Variants in PSMA6 observed in about 807,000 individuals in gnomAD.
The protein encoded by PSMA6 is proteasome 20S subunit alpha 6.
For missense variants in PSMA6, 170 were observed against 294.8 expected, an observed-to-expected ratio of 0.58 and a Z score of 3.10; for synonymous variants, 88 against 97.7, an observed-to-expected ratio of 0.90 and a Z score of 0.59.
upstream of PSMA6, among the ~76,000 whole-genome samples, chr14:35,291,220 C>CTT (rs549426154): frequency 4.0e-3 from 510 of 125,986 alleles, 1 homozygote; most frequent in African/African-American, 0.012. Context: ...GGCTTTCTTT[C>CTT]TTTTTTTTTT....
At chr14:35,298,885 C>G (rs1210694062) in intron 1 of PSMA6, among the ~76,000 whole-genome samples, 1 of 152,038 alleles carries the variant, frequency 6.6e-6, no homozygotes, top group Non-Finnish European at 1.5e-5. Flanking sequence ...AGGCGCGCAC[C>G]ACCATACCTG....
chr14:35,283,402 T>C (rs2051388877), intron 1 of PSMA6, among the ~76,000 whole-genome samples: 1 of 151,420 alleles, frequency 6.6e-6, no homozygotes, highest in Non-Finnish European at 1.5e-5. Context: ...AAAAAATACT[T>C]GGAGGAAAAT....
At chr14:35,314,706 C>T (rs764968718) in intron 6 of PSMA6, 4 of 272,154 alleles carry the variant, frequency 1.5e-5, no homozygotes, top group Non-Finnish European at 2.6e-5. Context: ...ATAAAGTTAC[C>T]TTCCTTATGT....
At chr14:35,312,649 C>T in intron 4 of PSMA6, 1 of 421,416 alleles carries the variant, frequency 2.4e-6, no homozygotes, top group Non-Finnish European at 4.2e-6. Flanking sequence ...TGTAATTATT[C>T]AAACTATTTT....
upstream of PSMA6, among the ~76,000 whole-genome samples, chr14:35,291,640 A>G (rs1234292157): frequency 6.6e-6 from 1 of 151,906 alleles, no homozygotes; most frequent in Non-Finnish European, 1.5e-5. Flanking sequence ...CCTGACCAAC[A>G]TGGCGAAACC....
At chr14:35,316,439 C>G (rs2052047887) in intron 6 of PSMA6, 1 of 151,534 alleles carries the variant, frequency 6.6e-6, no homozygotes, top group African/African-American at 2.4e-5. Flanking sequence ...GGAGCACTCT[C>G]TGGCTGGTAG....
intron 1 of PSMA6, among the ~76,000 whole-genome samples, chr14:35,294,799 C>T (rs1353030398): frequency 6.6e-6 from 1 of 151,742 alleles, no homozygotes; most frequent in East Asian, 1.9e-4. Flanking sequence ...AAAATATATA[C>T]ATAATCATAA....
At chr14:35,300,104 T>G (rs2051682023) in intron 1 of PSMA6, among the ~76,000 whole-genome samples, 1 of 152,146 alleles carries the variant, frequency 6.6e-6, no homozygotes, top group Non-Finnish European at 1.5e-5. Context: ...TCCATGTGTT[T>G]TGAACAGAGC....
At chr14:35,289,750 T>A (rs2051457114), upstream of PSMA6, among the ~76,000 whole-genome samples, 1 of 151,558 alleles carries the variant, frequency 6.6e-6, no homozygotes, top group Non-Finnish European at 1.5e-5. Flanking sequence ...TGAAACCTAG[T>A]CTCTAAAAAA....
At chr14:35,315,111 A>T (rs1406280111) in intron 6 of PSMA6, 1 of 152,072 alleles carries the variant, frequency 6.6e-6, no homozygotes, top group African/African-American at 2.4e-5. Flanking sequence ...CAGTTGATAT[A>T]CCATGGACCA....
intron 1 of PSMA6, among the ~76,000 whole-genome samples, chr14:35,295,508 A>G (rs190453385): frequency 2.0e-5 from 3 of 149,654 alleles, no homozygotes; most frequent in African/African-American, 4.9e-5. Flanking sequence ...CTGGAGTGCA[A>G]TGGCCGTGAT....
chr14:35,309,805 A>AAG (rs2051904930), intron 3 of PSMA6, among the ~76,000 whole-genome samples: 1 of 152,006 alleles, frequency 6.6e-6, no homozygotes, highest in Non-Finnish European at 1.5e-5. Context: ...AAAAATAAAA[A>AAG]CAAAAATACC....
intron 1 of PSMA6, among the ~76,000 whole-genome samples, chr14:35,302,705 A>C (rs557180128): frequency 1.2e-3 from 188 of 151,766 alleles, no homozygotes; most frequent in African/African-American, 4.5e-3. Flanking sequence ...GTTTTTTTCA[A>C]CTATTTTTTC....
chr14:35,280,770 G>A (rs1417003745), intron 1 of PSMA6, among the ~76,000 whole-genome samples: 3 of 151,598 alleles, frequency 2.0e-5, no homozygotes, highest in Admixed American at 6.6e-5. Flanking sequence ...CCAGGCTGGA[G>A]TGCAGTAGCT....
chr14:35,312,220 A>AT (rs1318682339), intron 4 of PSMA6, among the ~76,000 whole-genome samples: 2 of 123,622 alleles, frequency 1.6e-5, no homozygotes, highest in East Asian at 5.2e-4. Flanking sequence ...AAAAAAAAAA[A>AT]GGTTGGCCAG....
At chr14:35,304,073 A>G (rs2051773288) in intron 1 of PSMA6, among the ~76,000 whole-genome samples, 1 of 151,992 alleles carries the variant, frequency 6.6e-6, no homozygotes, top group South Asian at 2.1e-4. Context: ...CCCAGGTTCC[A>G]GCGATTTTCC....
At chr14:35,307,847 T>C (rs2051859907) in intron 1 of PSMA6, 147 bp from the exon 2 acceptor site, 2 of 632,982 alleles carry the variant, frequency 3.2e-6, no homozygotes, top group East Asian at 3.0e-5. Context: ...TGGTCATTAT[T>C]ATTATTTTGA....
At chr14:35,292,222 C>G, upstream of PSMA6, 1 of 1,044,912 alleles carries the variant, frequency 9.6e-7, no homozygotes, top group Non-Finnish European at 1.3e-6. Flanking sequence ...CACGTCTATC[C>G]ACTCAAGAGG....
intron 1 of PSMA6, among the ~76,000 whole-genome samples, chr14:35,295,409 G>A (rs1231528357): frequency 6.6e-6 from 1 of 150,438 alleles, no homozygotes; most frequent in African/African-American, 2.4e-5. Context: ...CATATTATTG[G>A]CAGTGTTTGC....
Sources: allele counts gnomAD v4.1 joint callset (sites outside exome capture counted in the v4.1 genomes callset), GRCh38; gene constraint gnomAD v4.1.1; transcripts MANE v1.5; gene names NCBI Gene and HGNC (gene_info 2026-07-23, HGNC 2026-07-21).